The following MYO18B variants were observed in gnomAD, a reference collection of about 807,000 sequenced individuals.
The protein encoded by MYO18B is myosin XVIIIB.
MYO18B carries 204 observed loss-of-function variants against 273.0 expected under a neutral mutation model. That is an observed-to-expected ratio of 0.75 (90% CI 0.67 to 0.84). MYO18B has a LOEUF of 0.84. Among genes scored for constraint, MYO18B ranks in the 40% least tolerant of loss-of-function variants. The pLI, the probability that MYO18B is intolerant of heterozygous loss-of-function variation, is 0.00. For synonymous variants in MYO18B, 1,330 were observed against 1,305.7 expected, an observed-to-expected ratio of 1.02 and a Z score of -0.40; for missense variants, 3,212 against 3,287.6, an observed-to-expected ratio of 0.98 and a Z score of 0.56.
chr22:25,932,425 T>TTTTTA (rs2092518586), intron 34 of MYO18B, among the ~76,000 whole-genome samples: 1 of 148,478 alleles, frequency 6.7e-6, no homozygotes, highest in African/African-American at 2.5e-5. Context: ...TTTTTTTCTT[T>TTTTTA]GAGACACAGT....
intron 10 of MYO18B, 43 bp downstream of exon 10, chr22:25,781,877 C>G: frequency 1.5e-6 from 2 of 1,328,914 alleles, no homozygotes; most frequent in Non-Finnish European, 2.0e-6. Flanking sequence ...GGCAGTGCGA[C>G]AAAGGGCACA....
At chr22:25,920,252 C>T (rs1017733800) in intron 33 of MYO18B, among the ~76,000 whole-genome samples, 2 of 152,180 alleles carry the variant, frequency 1.3e-5, no homozygotes, top group African/African-American at 4.8e-5. Context: ...ATCTGATGGA[C>T]AGGCCCGTAT....
At chr22:25,760,432 A>T (rs2086271044) in intron 1 of MYO18B, among the ~76,000 whole-genome samples, 1 of 146,468 alleles carries the variant, frequency 6.8e-6, no homozygotes, top group Admixed American at 6.8e-5. Context: ...AAAAAAAAAA[A>T]AACACAAAAA....
chr22:25,934,790 A>G (rs996426004), intron 34 of MYO18B, among the ~76,000 whole-genome samples: 1 of 152,138 alleles, frequency 6.6e-6, no homozygotes, highest in Non-Finnish European at 1.5e-5. Flanking sequence ...CAGTGAGCAG[A>G]GGGATGACTT....
intron 8 of MYO18B, 132 bp from the exon 9 acceptor site, chr22:25,779,924 A>C (rs1366443419): frequency 1.5e-5 from 17 of 1,168,298 alleles, no homozygotes; most frequent in Non-Finnish European, 1.9e-5. Context: ...AGCTCACAGG[A>C]AGCCCACCGG....
At chr22:25,931,681 CTTTTTTT>C (rs71311530) in intron 34 of MYO18B, among the ~76,000 whole-genome samples, 49 of 123,530 alleles carry the variant, frequency 4.0e-4, no homozygotes, top group East Asian at 1.1e-3. Context: ...TTTCTTTTTT[CTTTTTTT>C]TTTTTTTTTT....
At position 25,898,397 on chromosome 22, in the gene MYO18B, G is replaced by A. The variant is rs1306069007; in HGVS notation, c.4759G>A (p.Asp1587Asn). 1 of 1,613,952 alleles carries A rather than the reference G, an allele frequency of 6.2e-7. No individual in the cohort carries two copies. The highest frequency in any genetic ancestry group is 2.2e-5 in the East Asian group (1 of 44,874). The change falls in exon 29 of 44, where the codon GAT becomes AAT. Residue 1587 changes from aspartate to asparagine, a missense_variant. By Grantham distance (23) the Asp-to-Asn change is conservative. Transcript: ENST00000335473. ...CCACCATCTTACCTGTGACCTTGAG[G>A]ATACCTGCGTCCTGCTAGAGAACCA... ...KCHHLTCDLEDTCVLLENQQS... is the reference protein window; with the variant it reads ...KCHHLTCDLENTCVLLENQQS...
At chr22:25,829,161 C>G (rs986489607) in intron 15 of MYO18B, among the ~76,000 whole-genome samples, 193 bp downstream of exon 15, 4 of 152,192 alleles carry the variant, frequency 2.6e-5, no homozygotes, top group African/African-American at 9.6e-5. Context: ...CCTCCCCCTG[C>G]CACCTTCTGA....
intron 25 of MYO18B, among the ~76,000 whole-genome samples, chr22:25,880,154 GGACTGGGGAAAGGGAGGCACTT>G (rs1276903565): frequency 6.6e-6 from 1 of 152,142 alleles, no homozygotes; most frequent in Non-Finnish European, 1.5e-5. Context: ...TAGACTTTCA[GGACTGGGGAAAGGGAGGCACTT>G]GACTAGGGAA....
intron 39 of MYO18B, among the ~76,000 whole-genome samples, chr22:25,959,764 C>T (rs760673125): frequency 1.3e-5 from 2 of 152,190 alleles, no homozygotes; most frequent in Non-Finnish European, 2.9e-5. Context: ...CATGGAGGGG[C>T]CCGGGTGTGA....
At chr22:26,022,985 G>A (rs564933548) in intron 42 of MYO18B, among the ~76,000 whole-genome samples, 8 of 152,350 alleles carry the variant, frequency 5.3e-5, no homozygotes, top group Admixed American at 2.0e-4. Context: ...TGGGCAGCTG[G>A]CTACTTCGCC....
intron 34 of MYO18B, among the ~76,000 whole-genome samples, chr22:25,927,486 A>G (rs1376346001): frequency 6.6e-6 from 1 of 152,136 alleles, no homozygotes; most frequent in Non-Finnish European, 1.5e-5. Flanking sequence ...AGACCGGTTG[A>G]TCTCAAAACC....
intron 6 of MYO18B, 63 bp downstream of exon 6, chr22:25,771,047 T>G: frequency 1.8e-6 from 2 of 1,134,306 alleles, no homozygotes; most frequent in Non-Finnish European, 1.3e-6. Context: ...CCCAGCTCCA[T>G]ACCCTCCTTC....
chr22:26,048,541 G>A, the MYO18B span, among the ~76,000 whole-genome samples: 8 of 152,084 alleles, frequency 5.3e-5, 1 homozygote, highest in Non-Finnish European at 7.4e-5. Flanking sequence ...TGAAAGTGGC[G>A]CAGAACATGC....
In MYO18B at chr22:25,866,877, G is replaced by A. The variant is rs367766462; in HGVS notation, c.3886-1443G>A. Among the ~76,000 whole-genome samples, 327 of 151,756 alleles carry A rather than the reference G, an allele frequency of 2.2e-3. 18 individuals carry two copies. In the South Asian group the frequency reaches 0.066, roughly 31 times the overall value. On this transcript the variant is annotated intron_variant, in intron 21 of 43. Coordinates refer to ENST00000335473, the MANE Select transcript of MYO18B (RefSeq NM_032608.7). ...GCCATAATGTAGATCAGGCAGGTGA[G>A]GTTATTGACCATGTCATTTATTTAG...
chr22:25,876,127 C>A, intron 23 of MYO18B, 62 bp from the exon 24 acceptor site: 1 of 1,554,232 alleles, frequency 6.4e-7, no homozygotes, highest in Non-Finnish European at 8.7e-7. Context: ...TGCCTCCTCT[C>A]CTTCCTTTAT....
chr22:26,010,937 C>A (rs1339222761), intron 42 of MYO18B, among the ~76,000 whole-genome samples: 1 of 151,846 alleles, frequency 6.6e-6, no homozygotes, highest in Admixed American at 6.6e-5. Flanking sequence ...TAAACTCTGA[C>A]CTGGAGCCCT....
chr22:25,770,040 C>T (rs57951360), intron 4 of MYO18B, 70 bp from the exon 5 acceptor site: 232 of 1,487,424 alleles, frequency 1.6e-4, no homozygotes, highest in Middle Eastern at 5.9e-4. Context: ...CTGTGAGAAA[C>T]CCCCGTGTAA....
chr22:25,847,704 C>T lies in MYO18B; in HGVS notation c.3775+52C>T. On this transcript the variant is annotated intron_variant, in intron 20 of 43. Transcript: ENST00000335473. Reference sequence around the variant, plus strand: ...TTGTCTCTGACTCCTGGGACATGTCCACCCACCAGTGGCAGCCAAGGGATG... The same window carrying T: ...TTGTCTCTGACTCCTGGGACATGTCTACCCACCAGTGGCAGCCAAGGGATG... The T allele has an allele frequency of 2.8e-6, 4 of 1,405,412 alleles. No homozygotes were observed. In the South Asian group the frequency reaches 5.0e-5, roughly 18 times the overall value. 87.1% of individuals were successfully genotyped at this position (1,405,412 alleles called of 1,614,324 possible).
Sources: allele counts gnomAD v4.1 joint callset (sites outside exome capture counted in the v4.1 genomes callset), GRCh38; gene constraint gnomAD v4.1.1; transcripts MANE v1.5; gene names NCBI Gene and HGNC (gene_info 2026-07-23, HGNC 2026-07-21).